Variants in EXOC5 observed in about 807,000 individuals in gnomAD.
EXOC5 encodes SEC10-like 1.
EXOC5 carries 17 observed loss-of-function variants against 90.8 expected under a neutral mutation model. The ratio of observed to expected loss-of-function variants is 0.19; its 90% CI spans 0.13 to 0.28. The LOEUF (loss-of-function observed/expected upper bound fraction) is 0.28, where lower values mean the gene tolerates loss of function less well. Ranked by LOEUF, EXOC5 falls within the 10% of genes least tolerant of loss-of-function variation. The pLI is 1.00. For missense variants in EXOC5, 569 were observed against 830.6 expected (o/e 0.69, Z 3.87); for synonymous variants, 260 against 270.0 (o/e 0.96, Z 0.36).
chr14:57,203,565 T>C lies in EXOC5; in HGVS notation c.*5044A>G, dbSNP rs1034313201. On this transcript the variant is annotated 3_prime_UTR_variant, in exon 18 of 18. Transcript: ENST00000621441. ...ACTCATTGGAACTATAAATGAAACT[T>C]AGCTTTCTTATTCCAGGTTCCTACT... The C allele has an allele frequency of 1.3e-5, 2 of 152,618 alleles. No homozygotes were observed. The highest frequency in any genetic ancestry group is 6.5e-5 in the Admixed American group (1 of 15,272). The allele number at this position is 152,618 out of a possible 1,614,324, so 9.5% of individuals were successfully genotyped here.
intron 9 of EXOC5, 37 bp downstream of exon 9, chr14:57,233,706 T>C (rs541191390): frequency 7.8e-7 from 1 of 1,286,700 alleles, no homozygotes; most frequent in Non-Finnish European, 1.1e-6. Flanking sequence ...TACATATTGC[T>C]TTAAGAACTA....
At chr14:57,238,521 G>A (rs1016175372) in intron 5 of EXOC5, among the ~76,000 whole-genome samples, 2 of 151,574 alleles carry the variant, frequency 1.3e-5, no homozygotes, top group Non-Finnish European at 2.9e-5. Flanking sequence ...CCTATTTTGA[G>A]CTAGACATTT....
At chr14:57,227,263 C>G (rs1883335729) in intron 12 of EXOC5, among the ~76,000 whole-genome samples, 1 of 152,050 alleles carries the variant, frequency 6.6e-6, no homozygotes, top group African/African-American at 2.4e-5. Context: ...TCACTACACA[C>G]TATTAGTTTG....
chr14:57,234,570 T>C (rs1883599798), intron 7 of EXOC5, among the ~76,000 whole-genome samples: 1 of 136,382 alleles, frequency 7.3e-6, no homozygotes, highest in Non-Finnish European at 1.7e-5. Flanking sequence ...TATATATTTC[T>C]TTTTTTTTTT....
At chr14:57,220,306 T>C (rs1883091573) in intron 13 of EXOC5, among the ~76,000 whole-genome samples, 1 of 150,006 alleles carries the variant, frequency 6.7e-6, no homozygotes, top group Non-Finnish European at 1.5e-5. Context: ...ACAAAATCAA[T>C]ACATATGTAG....
intron 1 of EXOC5, 28 bp downstream of exon 1, chr14:57,268,594 C>T: frequency 6.3e-7 from 1 of 1,584,956 alleles, no homozygotes; most frequent in Non-Finnish European, 8.5e-7. Context: ...CCGGGCCTGC[C>T]ACTCCCTGTA....
At chr14:57,234,509 ACGTG>A (rs1349919567) in intron 7 of EXOC5, among the ~76,000 whole-genome samples, 1 of 126,328 alleles carries the variant, frequency 7.9e-6, no homozygotes, top group African/African-American at 3.8e-5. Context: ...GTGTATATAT[ACGTG>A]TGTGTGTGTG....
chr14:57,268,634 G>A lies in EXOC5; in HGVS notation c.15C>T (p.Ala5=), dbSNP rs766985070. The A allele has an allele frequency of 3.9e-5, 62 of 1,590,950 alleles. No individual in the cohort carries two copies. Among genetic ancestry groups the A allele is most frequent in the Non-Finnish European group, 4.5e-5 (53 of 1,174,708 alleles). The part of the protein sequence containing the change: MATT[A]ELFEEPFVAD... Reference sequence around the variant, plus strand: ...CGCCGGGGCCCACCTCGAAGAGCTCGGCCGTGGTAGCCATCCCGGCCGGCT... The same window carrying A: ...CGCCGGGGCCCACCTCGAAGAGCTCAGCCGTGGTAGCCATCCCGGCCGGCT... The change falls in exon 1 of 18, where the codon GCC becomes GCT. Residue 5 remains alanine (A), a synonymous_variant. Transcript: ENST00000621441.
At chr14:57,242,082 G>C (rs1246049666) in intron 4 of EXOC5, among the ~76,000 whole-genome samples, 1 of 147,456 alleles carries the variant, frequency 6.8e-6, no homozygotes, top group Admixed American at 6.8e-5. Context: ...GCAGTGAGCC[G>C]AGATTGCGCC....
intron 2 of EXOC5, 112 bp downstream of exon 2, chr14:57,247,506 T>G: frequency 2.1e-6 from 1 of 480,490 alleles, no homozygotes; most frequent in Non-Finnish European, 3.7e-6. Context: ...TGGCCAAATG[T>G]TAACTAAAAT....
Position 57,206,522 on chromosome 14 carries a change from T to TA in EXOC5, c.*2086dup, listed in dbSNP as rs1351450437. On this transcript the variant is annotated 3_prime_UTR_variant, in exon 18 of 18. Coordinates refer to ENST00000621441, the MANE Select transcript of EXOC5 (RefSeq NM_006544.4). The stretch of plus-strand genomic sequence containing the variant: ...ATTTTAAAAATCTCAAATTTTTAAA[T>TA]AAAAAATCATTTATAAAATTCAGGA... The TA allele has an allele frequency of 3.3e-5, 5 of 151,880 alleles. No individual in the cohort carries two copies. The highest frequency in any genetic ancestry group is 5.9e-5 in the Non-Finnish European group (4 of 67,836). The allele number at this position is 151,880 out of a possible 1,614,324, so 9.4% of individuals were successfully genotyped here.
At chr14:57,224,479 A>C (rs1434789581) in intron 12 of EXOC5, among the ~76,000 whole-genome samples, 1 of 152,208 alleles carries the variant, frequency 6.6e-6, no homozygotes. Flanking sequence ...ACTTATGTGA[A>C]CTACACAAAT....
chr14:57,223,604 A>C (rs1265937891), intron 12 of EXOC5, among the ~76,000 whole-genome samples: 1 of 152,110 alleles, frequency 6.6e-6, no homozygotes, highest in African/African-American at 2.4e-5. Flanking sequence ...CCTTCTTCAC[A>C]AGCTATTCTT....
In EXOC5 at chr14:57,208,556, T is replaced by C; in HGVS notation, c.*53A>G. ...CTATCAACCGAGGGCTGCTGAAGTA[T>C]AAGACATTCCTCTGTAAAGGAACTG... On this transcript the variant is annotated 3_prime_UTR_variant, in exon 18 of 18. Transcript: ENST00000621441. The C allele has an allele frequency of 7.2e-7, 1 of 1,383,764 alleles. No individual in the cohort carries two copies. The highest frequency in any genetic ancestry group is 2.3e-5 in the East Asian group (1 of 43,246). 85.7% of individuals were successfully genotyped at this position (1,383,764 alleles called of 1,614,324 possible).
chr14:57,220,207 C>T lies in EXOC5; in HGVS notation c.1406-765G>A, dbSNP rs141313353. On this transcript the variant is annotated intron_variant, in intron 13 of 17. Transcript: ENST00000621441. ...GAAAACAAAGGTGTTTCCCTCCGCC[C>T]CCCCTGCCCCCGCAAGTAAAAGACA... Among the ~76,000 whole-genome samples, 397 of 151,512 alleles carry T rather than the reference C, an allele frequency of 2.6e-3. 3 individuals carry two copies. The highest frequency in any genetic ancestry group is 4.1e-3 in the Non-Finnish European group (280 of 67,910).
intron 10 of EXOC5, chr14:57,231,979 A>G: frequency 3.2e-6 from 1 of 314,488 alleles, no homozygotes; most frequent in South Asian, 4.6e-5. Flanking sequence ...ACTAGTCCAG[A>G]AATGGCGACA....
intron 7 of EXOC5, among the ~76,000 whole-genome samples, chr14:57,235,412 T>A (rs867466271): frequency 2.0e-5 from 3 of 152,052 alleles, no homozygotes; most frequent in Non-Finnish European, 4.4e-5. Context: ...TTATAATATG[T>A]GGAAGCAAAA....
intron 1 of EXOC5, among the ~76,000 whole-genome samples, chr14:57,253,544 G>C (rs971602887): frequency 6.6e-6 from 1 of 152,086 alleles, no homozygotes; most frequent in Non-Finnish European, 1.5e-5. Flanking sequence ...AAACCCCGAA[G>C]AGCACAAAAC....
intron 17 of EXOC5, 124 bp from the exon 18 acceptor site, chr14:57,208,921 G>A: frequency 1.8e-6 from 1 of 571,426 alleles, no homozygotes. Flanking sequence ...CAACATATTA[G>A]AATTTTTTAA....
Sources: gnomAD v4.1 joint callset for allele counts (sites outside exome capture counted in the v4.1 genomes callset) on GRCh38, gnomAD v4.1.1 for gene constraint, MANE v1.5 for transcripts, NCBI Gene and HGNC (gene_info 2026-07-23, HGNC 2026-07-21) for gene names.